The following PITPNC1 variants were observed in gnomAD, a reference collection of about 807,000 sequenced individuals.
The protein encoded by PITPNC1 is phosphatidylinositol transfer protein cytoplasmic 1.
In PITPNC1, 18 loss-of-function variants were observed where a neutral mutation model predicts 44.7. The observed-to-expected ratio is 0.40, with a 90% CI of 0.28 to 0.60. PITPNC1 has a LOEUF of 0.60. PITPNC1 is among the 20% of genes least tolerant of loss of function. The pLI, the probability that PITPNC1 is intolerant of heterozygous loss-of-function variation, is 0.39. For synonymous variants in PITPNC1, 141 were observed against 149.6 expected, an observed-to-expected ratio of 0.94 and a Z score of 0.42; for missense variants, 290 against 418.4, an observed-to-expected ratio of 0.69 and a Z score of 2.68.
chr17:67,394,754 C>A (rs879112082), intron 1 of PITPNC1, among the ~76,000 whole-genome samples: 1 of 152,036 alleles, frequency 6.6e-6, no homozygotes, highest in Non-Finnish European at 1.5e-5. Flanking sequence ...ATTAGCCAGG[C>A]GTGGTGGCGG....
rs2042953188 is a variant in PITPNC1 at position 67,692,748 on chromosome 17, T to C, written c.859T>C (p.Phe287Leu). Reference protein sequence around the residue: ...STPLSTDAPEFLSVPKDRPRK... With the variant: ...STPLSTDAPELLSVPKDRPRK... Reference sequence around the variant, plus strand: ...CCCTCTCTCCACAGACGCACCCGAATTTCTGTCCGTTCCCAAAGATCGGCC... The same window carrying C: ...CCCTCTCTCCACAGACGCACCCGAACTTCTGTCCGTTCCCAAAGATCGGCC... Residue 287 changes from phenylalanine to leucine, a missense_variant, in exon 9 of 9, where the codon TTT becomes CTT. Phe to Leu is a conservative substitution (Grantham distance 22). Transcript: ENST00000581322. 1.2e-6 allele frequency: 2 copies of C among 1,613,840 alleles called. No homozygotes were observed. Among genetic ancestry groups the C allele is most frequent in the Non-Finnish European group, 1.7e-6 (2 of 1,179,844 alleles).
At chr17:67,577,934 T>C (rs76861508) in intron 4 of PITPNC1, among the ~76,000 whole-genome samples, 2,446 of 152,270 alleles carry the variant, frequency 0.016, 81 homozygotes, top group African/African-American at 0.056. Flanking sequence ...CTTTTGGAAA[T>C]GTTCTCTTCA....
At chr17:67,540,587 C>T (rs1329031654) in intron 2 of PITPNC1, among the ~76,000 whole-genome samples, 1 of 152,068 alleles carries the variant, frequency 6.6e-6, no homozygotes, top group Non-Finnish European at 1.5e-5. Context: ...TGTTACCTTT[C>T]TCTCGATTTT....
chr17:67,527,625 C>G (rs2040407236), intron 1 of PITPNC1, among the ~76,000 whole-genome samples: 1 of 152,066 alleles, frequency 6.6e-6, no homozygotes, highest in Admixed American at 6.5e-5. Context: ...TTCTTAAACC[C>G]AGGAGGTGGA....
chr17:67,424,726 A>G (rs1034036660), intron 1 of PITPNC1, among the ~76,000 whole-genome samples: 4 of 151,532 alleles, frequency 2.6e-5, no homozygotes, highest in Non-Finnish European at 5.9e-5. Flanking sequence ...CATGCAGTCA[A>G]TAAGTAGGTT....
intron 5 of PITPNC1, among the ~76,000 whole-genome samples, chr17:67,631,657 A>AAAAAAATATATATAT (rs1555574522): frequency 5.2e-4 from 4 of 7,680 alleles, no homozygotes; most frequent in East Asian, 1.9e-3. Context: ...AAAAAAAAAA[A>AAAAAAATATATATAT]ATATATATAT....
At chr17:67,487,679 G>A (rs1212964130) in intron 1 of PITPNC1, among the ~76,000 whole-genome samples, 1 of 152,036 alleles carries the variant, frequency 6.6e-6, no homozygotes, top group Non-Finnish European at 1.5e-5. Flanking sequence ...AAGTTTTTCC[G>A]GCTGCCAAAC....
chr17:67,621,132 T>C (rs1232651472), intron 5 of PITPNC1, among the ~76,000 whole-genome samples: 1 of 151,854 alleles, frequency 6.6e-6, no homozygotes, highest in Non-Finnish European at 1.5e-5. Flanking sequence ...CTATATTGAG[T>C]TCCCTCCTTG....
At chr17:67,565,874 GGTGTGTATACTTGTTTTCCATGTTTTTCA>G (rs1568043035) in intron 4 of PITPNC1, among the ~76,000 whole-genome samples, 3 of 149,984 alleles carry the variant, frequency 2.0e-5, no homozygotes, top group African/African-American at 7.4e-5. Flanking sequence ...ATGTTTTTTC[GGTGTGTATACTTGTTTTCCATGTTTTTCA>G]GTGTGTATAC....
chr17:67,645,473 T>C (rs572491230), intron 6 of PITPNC1, among the ~76,000 whole-genome samples: 5 of 152,196 alleles, frequency 3.3e-5, no homozygotes, highest in Admixed American at 3.3e-4. Context: ...GGGAGCAATA[T>C]GCCTTATCAC....
intron 1 of PITPNC1, among the ~76,000 whole-genome samples, chr17:67,479,942 T>A (rs1343855572): frequency 6.6e-6 from 1 of 152,234 alleles, no homozygotes; most frequent in Non-Finnish European, 1.5e-5. Context: ...GCAACAGATG[T>A]CAGCGGATTC....
chr17:67,589,499 C>G (rs563083679), intron 5 of PITPNC1, among the ~76,000 whole-genome samples: 24 of 151,906 alleles, frequency 1.6e-4, no homozygotes, highest in Non-Finnish European at 7.4e-5. Flanking sequence ...CAGCAAAGAC[C>G]TGGTGCTGAA....
At chr17:67,380,981 C>T (rs1257502527) in intron 1 of PITPNC1, among the ~76,000 whole-genome samples, 1 of 152,080 alleles carries the variant, frequency 6.6e-6, no homozygotes, top group Non-Finnish European at 1.5e-5. Flanking sequence ...CTGTGTTGCC[C>T]AGGCTGGTCT....
intron 5 of PITPNC1, among the ~76,000 whole-genome samples, chr17:67,631,914 T>C (rs2041976789): frequency 6.6e-6 from 1 of 151,044 alleles, no homozygotes; most frequent in Admixed American, 6.7e-5. Context: ...GTTTTTCTTC[T>C]ACCTCTCACC....
intron 1 of PITPNC1, among the ~76,000 whole-genome samples, chr17:67,415,225 C>T (rs1423706525): frequency 6.6e-6 from 1 of 152,162 alleles, no homozygotes; most frequent in East Asian, 1.9e-4. Flanking sequence ...TTGCCATCTA[C>T]TGTTGTCAAA....
At chr17:67,561,236 A>G (rs1004265889) in intron 4 of PITPNC1, among the ~76,000 whole-genome samples, 3 of 152,230 alleles carry the variant, frequency 2.0e-5, no homozygotes, top group Non-Finnish European at 4.4e-5. Flanking sequence ...CAGGTGGATC[A>G]CTTGAGGTCA....
At position 67,484,560 on chromosome 17, in the gene PITPNC1, C is replaced by A. The variant is rs1057422124; in HGVS notation, c.49-48242C>A. Among the ~76,000 whole-genome samples the A allele has an allele frequency of 3.9e-5, 6 of 152,312 alleles. No individual in the cohort carries two copies. In the East Asian group the frequency reaches 5.8e-4, roughly 15 times the overall value. On this transcript the variant is annotated intron_variant, in intron 1 of 8. Transcript: ENST00000581322. ...AAGGCAGTGGAGCCCTAACTTAGAA[C>A]TTGCTGGCTTTTAACTTTGCCAGTT...
At position 67,693,165 on chromosome 17, in the gene PITPNC1, T is replaced by C; in HGVS notation, c.*277T>C. The C allele has an allele frequency of 2.9e-6, 1 of 346,550 alleles. No individual in the cohort carries two copies. Among genetic ancestry groups the C allele is most frequent in the Non-Finnish European group, 5.2e-6 (1 of 194,150 alleles). The allele number at this position is 346,550 out of a possible 1,614,324, so 21.5% of individuals were successfully genotyped here. On this transcript the variant is annotated 3_prime_UTR_variant, in exon 9 of 9. Transcript: ENST00000581322. ...AGAGAGGAAGCCTTGTTATTGGGCA[T>C]TTGATGAGGTTTGGCATGGACTTCA...
intron 1 of PITPNC1, among the ~76,000 whole-genome samples, chr17:67,437,951 C>A (rs74683334): frequency 6.6e-6 from 1 of 152,096 alleles, no homozygotes. Context: ...CATCTGTAAT[C>A]CCAGCTGCTG....
Sources: gnomAD v4.1 joint callset for allele counts (sites outside exome capture counted in the v4.1 genomes callset) on GRCh38, gnomAD v4.1.1 for gene constraint, MANE v1.5 for transcripts, NCBI Gene and HGNC (gene_info 2026-07-23, HGNC 2026-07-21) for gene names.